Variants in SUGCT observed in about 807,000 individuals in gnomAD.
The protein encoded by SUGCT is succinyl-CoA:glutarate-CoA transferase, also known as succinyl-CoA:glutarate CoA-transferase.
In SUGCT, 41 loss-of-function variants were observed where a neutral mutation model predicts 55.0. The ratio of observed to expected loss-of-function variants is 0.74; its 90% CI spans 0.58 to 0.97. The LOEUF (loss-of-function observed/expected upper bound fraction) is 0.97. Among genes scored for constraint, SUGCT ranks in the 50% least tolerant of loss-of-function variants. The pLI, the probability that SUGCT is intolerant of heterozygous loss-of-function variation, is 0.00. For missense variants in SUGCT, 568 were observed against 547.8 expected, an observed-to-expected ratio of 1.04 and a Z score of -0.37; for synonymous variants, 187 against 200.4, an observed-to-expected ratio of 0.93 and a Z score of 0.56.
chr7:41,038,046 A>G, the SUGCT span, among the ~76,000 whole-genome samples: 1 of 152,146 alleles, frequency 6.6e-6, no homozygotes, highest in Admixed American at 6.5e-5. Flanking sequence ...AGTGCTTCTG[A>G]TCTTTCTTAT....
chr7:40,192,129 A>T (rs1456638045), intron 5 of SUGCT, among the ~76,000 whole-genome samples: 1 of 150,668 alleles, frequency 6.6e-6, no homozygotes, highest in Non-Finnish European at 1.5e-5. Context: ...AAAAAAAAAA[A>T]GGATTAGCAA....
chr7:40,506,633 CTTCT>C (rs1792615761), intron 12 of SUGCT, among the ~76,000 whole-genome samples: 1 of 151,850 alleles, frequency 6.6e-6, no homozygotes, highest in Non-Finnish European at 1.5e-5. Flanking sequence ...TTTAAAAATT[CTTCT>C]TTCTTCTAGT....
At chr7:40,911,127 C>T in the SUGCT span, among the ~76,000 whole-genome samples, 1 of 152,106 alleles carries the variant, frequency 6.6e-6, no homozygotes, top group African/African-American at 2.4e-5. Flanking sequence ...ATGCTTATCC[C>T]AAAGTAGCCA....
At chr7:40,453,417 A>G (rs1789300803) in intron 10 of SUGCT, among the ~76,000 whole-genome samples, 2 of 152,222 alleles carry the variant, frequency 1.3e-5, no homozygotes, top group Admixed American at 6.5e-5. Flanking sequence ...TGACAAAGCA[A>G]TCCTTGATGT....
chr7:40,900,283 C>T, the SUGCT span, among the ~76,000 whole-genome samples: 1 of 152,224 alleles, frequency 6.6e-6, no homozygotes, highest in African/African-American at 2.4e-5. Flanking sequence ...CCTCTGGCTC[C>T]TCCTGCATGA....
chr7:40,215,861 C>CAA (rs60149673), intron 6 of SUGCT, among the ~76,000 whole-genome samples: 2,446 of 109,272 alleles, frequency 0.022, 63 homozygotes, highest in African/African-American at 0.08. Flanking sequence ...GACTCCGTCT[C>CAA]AAAAAAAAAA....
At chr7:40,612,058 A>G (rs1389132384) in intron 12 of SUGCT, among the ~76,000 whole-genome samples, 1 of 151,680 alleles carries the variant, frequency 6.6e-6, no homozygotes, top group Non-Finnish European at 1.5e-5. Context: ...ACATTCTTAA[A>G]TTACAATAAT....
intron 13 of SUGCT, among the ~76,000 whole-genome samples, chr7:40,790,495 G>A (rs955990445): frequency 6.6e-6 from 1 of 152,150 alleles, no homozygotes; most frequent in Non-Finnish European, 1.5e-5. Flanking sequence ...TACTTAGTGA[G>A]CCATGATACA....
chr7:40,900,933 A>G, the SUGCT span, among the ~76,000 whole-genome samples: 2 of 152,250 alleles, frequency 1.3e-5, no homozygotes, highest in African/African-American at 2.4e-5. Flanking sequence ...ATGAGGGAAA[A>G]TATATGTAAT....
chr7:40,481,836 T>C (rs1228080071), intron 11 of SUGCT, among the ~76,000 whole-genome samples: 2 of 152,204 alleles, frequency 1.3e-5, no homozygotes, highest in African/African-American at 4.8e-5. Flanking sequence ...TAAGTTACCC[T>C]GTTAAAAAGT....
chr7:40,202,097 C>T (rs1287900783), intron 6 of SUGCT, among the ~76,000 whole-genome samples: 1 of 152,108 alleles, frequency 6.6e-6, no homozygotes, highest in African/African-American at 2.4e-5. Context: ...CTCAGCCTCT[C>T]GAGAAGCTGG....
At chr7:40,937,938 T>G in the SUGCT span, among the ~76,000 whole-genome samples, 1 of 152,222 alleles carries the variant, frequency 6.6e-6, no homozygotes, top group South Asian at 2.1e-4. Flanking sequence ...CAGGCATTAG[T>G]TAGATTCTCA....
At chr7:40,528,826 C>T (rs1793937411) in intron 12 of SUGCT, among the ~76,000 whole-genome samples, 1 of 152,154 alleles carries the variant, frequency 6.6e-6, no homozygotes, top group Non-Finnish European at 1.5e-5. Context: ...ACAGGATCGA[C>T]CCAGATGACA....
At chr7:40,695,167 TTTTA>T (rs71560200) in intron 12 of SUGCT, among the ~76,000 whole-genome samples, 12,992 of 135,396 alleles carry the variant, frequency 0.096, 763 homozygotes, top group African/African-American at 0.17. Flanking sequence ...AAACCCTTAT[TTTTA>T]TTTATTTATT....
At chr7:40,963,460 A>C in the SUGCT span, among the ~76,000 whole-genome samples, 1 of 152,222 alleles carries the variant, frequency 6.6e-6, no homozygotes, top group Non-Finnish European at 1.5e-5. Context: ...CTCTGCTTTT[A>C]GGAATGAAAT....
chr7:40,937,386 G>T, the SUGCT span, among the ~76,000 whole-genome samples: 3 of 152,126 alleles, frequency 2.0e-5, no homozygotes, highest in African/African-American at 7.2e-5. Context: ...GGCTAGGCTG[G>T]TATCAACCTC....
chr7:40,360,632 T>C (rs144479861), intron 9 of SUGCT, among the ~76,000 whole-genome samples: 1 of 152,154 alleles, frequency 6.6e-6, no homozygotes, highest in Non-Finnish European at 1.5e-5. Context: ...TGTGGGAGAC[T>C]TGAGATTTCT....
At chr7:40,318,228 C>T (rs949213767) in intron 9 of SUGCT, among the ~76,000 whole-genome samples, 5 of 152,252 alleles carry the variant, frequency 3.3e-5, no homozygotes, top group Non-Finnish European at 7.3e-5. Flanking sequence ...ATTCTGCTAC[C>T]TTTGATAAGA....
At chr7:40,707,626 C>G (rs1785493407) in intron 12 of SUGCT, among the ~76,000 whole-genome samples, 1 of 152,158 alleles carries the variant, frequency 6.6e-6, no homozygotes, top group Non-Finnish European at 1.5e-5. Flanking sequence ...GTGAAAGATT[C>G]AGGTTTAATT....
Sources: allele counts gnomAD v4.1 joint callset (sites outside exome capture counted in the v4.1 genomes callset), GRCh38; gene constraint gnomAD v4.1.1; transcripts MANE v1.5; gene names NCBI Gene and HGNC (gene_info 2026-07-23, HGNC 2026-07-21).